RHOT1: variants seen among roughly 807,000 people sequenced by gnomAD.
RHOT1 encodes the protein mitochondrial Rho GTPase 1.
RHOT1 carries 27 observed loss-of-function variants against 95.3 expected under a neutral mutation model. That is an observed-to-expected ratio of 0.28 (90% CI 0.21 to 0.39). RHOT1 has a LOEUF of 0.39. Ranked by LOEUF, RHOT1 falls within the 10% of genes least tolerant of loss-of-function variation. The probability of loss-of-function intolerance (pLI) is 1.00; values close to 1 mark genes in which losing one functional copy is unlikely to be tolerated. For missense variants in RHOT1, 578 were observed against 786.7 expected (o/e 0.73, Z 3.17); for synonymous variants, 227 against 263.5 (o/e 0.86, Z 1.34).
chr17:32,216,507 C>T (rs567751254), intron 19 of RHOT1, among the ~76,000 whole-genome samples: 5 of 152,060 alleles, frequency 3.3e-5, no homozygotes, highest in Non-Finnish European at 7.4e-5. Context: ...TAGTTCACAC[C>T]GAATATTTAC....
chr17:32,160,430 G>A, intron 1 of RHOT1: 1 of 152,532 alleles, frequency 6.6e-6, no homozygotes, highest in Non-Finnish European at 1.5e-5. Flanking sequence ...CTCGGGACCT[G>A]CTGAATGGTG....
At chr17:32,176,093 G>C in intron 5 of RHOT1, 68 bp from the exon 6 acceptor site, 2 of 1,573,892 alleles carry the variant, frequency 1.3e-6, no homozygotes, top group Non-Finnish European at 8.7e-7. Flanking sequence ...AGAATTTTAG[G>C]GGTCTAAGGG....
intron 1 of RHOT1, among the ~76,000 whole-genome samples, chr17:32,168,766 A>G (rs1055777620): frequency 1.3e-5 from 2 of 152,092 alleles, no homozygotes; most frequent in Non-Finnish European, 2.9e-5. Flanking sequence ...AAGAGAAAGC[A>G]TTGGCTTGGC....
chr17:32,182,817 C>T lies in RHOT1; in HGVS notation c.390C>T (p.Thr130=). Residue 130 remains threonine, a synonymous_variant, in exon 7 of 20, where the codon ACC becomes ACT. Coordinates refer to ENST00000545287, the MANE Select transcript of RHOT1 (RefSeq NM_001033566.3). ...TGGTGGAATATAGTAGTATGGAGACCATCCTTCCTATTATGAACCAGTATA... is the reference window on the plus strand; with the variant it reads ...TGGTGGAATATAGTAGTATGGAGACTATCCTTCCTATTATGAACCAGTATA... The part of the protein sequence containing the change: ...SDLVEYSSME[T]ILPIMNQYTE... 6.2e-7 allele frequency: 1 copy of T among 1,606,556 alleles called. No individual in the cohort carries two copies. Among genetic ancestry groups the T allele is most frequent in the Non-Finnish European group, 8.5e-7 (1 of 1,175,028 alleles).
intron 2 of RHOT1, among the ~76,000 whole-genome samples, chr17:32,173,310 A>G (rs536830181): frequency 1.3e-5 from 2 of 152,210 alleles, no homozygotes; most frequent in Non-Finnish European, 2.9e-5. Context: ...GAATGTTTGC[A>G]TTATACTTAC....
chr17:32,148,516 GAGA>G (rs1032314277), intron 1 of RHOT1, among the ~76,000 whole-genome samples: 43 of 138,886 alleles, frequency 3.1e-4, no homozygotes, highest in African/African-American at 1.0e-3. Context: ...TCGTTTGAAG[GAGA>G]AGGATAGCTG....
chr17:32,186,101 C>T (rs1277619779), intron 8 of RHOT1, among the ~76,000 whole-genome samples: 2 of 152,166 alleles, frequency 1.3e-5, no homozygotes, highest in Non-Finnish European at 2.9e-5. Context: ...TACGGAGGAA[C>T]CAGCAGCTAT....
intron 19 of RHOT1, among the ~76,000 whole-genome samples, chr17:32,219,214 C>G (rs1304916943): frequency 6.6e-6 from 1 of 152,128 alleles, no homozygotes; most frequent in Non-Finnish European, 1.5e-5. Flanking sequence ...CTCAGTTTTG[C>G]TTCTTTTCAG....
chr17:32,213,586 C>T (rs991743082), intron 19 of RHOT1, among the ~76,000 whole-genome samples: 3 of 152,180 alleles, frequency 2.0e-5, no homozygotes, highest in Admixed American at 6.5e-5. Context: ...TATATAATTT[C>T]TTCCATATTC....
chr17:32,164,085 G>A lies in RHOT1; in HGVS notation c.38-6958G>A, dbSNP rs140522002. ...CAGGAGAATTGCTTGAATCCAGGAG[G>A]CGGAGGTTGCAGTGAACCAAGATCG... On this transcript the variant is annotated intron_variant, in intron 1 of 19. Coordinates refer to ENST00000545287, the MANE Select transcript of RHOT1 (RefSeq NM_001033566.3). 1.2e-3 allele frequency among the ~76,000 whole-genome samples: 182 copies of A among 152,236 alleles called. No homozygotes were observed. The East Asian group carries it at 0.03, about 25-fold the overall frequency.
intron 11 of RHOT1, among the ~76,000 whole-genome samples, chr17:32,195,839 A>G (rs1303605326): frequency 1.3e-5 from 2 of 152,144 alleles, no homozygotes; most frequent in Non-Finnish European, 2.9e-5. Context: ...AAATGAATGA[A>G]TTTGTTATAG....
intron 19 of RHOT1, among the ~76,000 whole-genome samples, chr17:32,219,785 T>A (rs1413054875): frequency 6.6e-6 from 1 of 152,190 alleles, no homozygotes; most frequent in African/African-American, 2.4e-5. Flanking sequence ...ACCTAAGAAC[T>A]TGAAAGCTCT....
chr17:32,206,302 C>G (rs1039147352), intron 16 of RHOT1, among the ~76,000 whole-genome samples: 1 of 146,760 alleles, frequency 6.8e-6, no homozygotes, highest in Non-Finnish European at 1.5e-5. Flanking sequence ...GCTTTCCAGG[C>G]TCAAGCGATT....
chr17:32,212,361 A>G (rs530602652), intron 19 of RHOT1, among the ~76,000 whole-genome samples: 1 of 152,366 alleles, frequency 6.6e-6, no homozygotes, highest in South Asian at 2.1e-4. Context: ...GAATGCAACC[A>G]TCTCAGGTGA....
At chr17:32,182,582 A>G (rs1352262955) in intron 6 of RHOT1, among the ~76,000 whole-genome samples, 175 bp from the exon 7 acceptor site, 2 of 152,256 alleles carry the variant, frequency 1.3e-5, no homozygotes, top group Non-Finnish European at 2.9e-5. Context: ...CTCAATAGAT[A>G]ACATGTTGAG....
At chr17:32,209,023 C>T (rs1394630490) in intron 18 of RHOT1, 1 of 159,300 alleles carries the variant, frequency 6.3e-6, no homozygotes, top group African/African-American at 2.4e-5. Context: ...CAGTGCGTTT[C>T]TCAGGACTTT....
intron 16 of RHOT1, among the ~76,000 whole-genome samples, chr17:32,204,801 C>T (rs1374228035): frequency 6.6e-6 from 1 of 151,614 alleles, no homozygotes; most frequent in Non-Finnish European, 1.5e-5. Flanking sequence ...CAGCCTGGCC[C>T]TAGTGAAACC....
chr17:32,151,868 CGA>C (rs1272423821), intron 1 of RHOT1, among the ~76,000 whole-genome samples: 2 of 130,558 alleles, frequency 1.5e-5, no homozygotes. Context: ...GGCGACAGAG[CGA>C]GACTCCGTCT....
intron 19 of RHOT1, among the ~76,000 whole-genome samples, chr17:32,218,956 A>G (rs1409069823): frequency 6.6e-6 from 1 of 152,144 alleles, no homozygotes; most frequent in Non-Finnish European, 1.5e-5. Flanking sequence ...ATACACTTCT[A>G]TTACAGTTAT....
Sources: allele counts gnomAD v4.1 joint callset (sites outside exome capture counted in the v4.1 genomes callset), GRCh38; gene constraint gnomAD v4.1.1; transcripts MANE v1.5; gene names NCBI Gene and HGNC (gene_info 2026-07-23, HGNC 2026-07-21).